The following TENM4 variants were observed in gnomAD, a reference collection of about 807,000 sequenced individuals.
TENM4 encodes teneurin-4.
Under a neutral mutation model 243.3 loss-of-function variants are expected in TENM4, and 82 were observed. The ratio of observed to expected loss-of-function variants is 0.34; its 90% CI spans 0.28 to 0.40. The LOEUF (loss-of-function observed/expected upper bound fraction) is 0.40. Ranked by LOEUF, TENM4 falls within the 10% of genes least tolerant of loss-of-function variation. The pLI is 1.00. For missense variants in TENM4, 3,138 were observed against 3,673.3 expected (o/e 0.85, Z 3.77); for synonymous variants, 1,412 against 1,456.3 (o/e 0.97, Z 0.69).
intron 1 of TENM4, among the ~76,000 whole-genome samples, chr11:79,404,322 G>A (rs1282017397): frequency 2.0e-5 from 3 of 152,198 alleles, no homozygotes; most frequent in African/African-American, 2.4e-5. Context: ...TAACCAAATG[G>A]CAAAGGGGAA....
chr11:79,270,872 G>T (rs1855956857), intron 2 of TENM4, among the ~76,000 whole-genome samples: 1 of 152,146 alleles, frequency 6.6e-6, no homozygotes, highest in Non-Finnish European at 1.5e-5. Flanking sequence ...TTAGCAGAGG[G>T]CTGGGCTCAC....
In TENM4 at chr11:79,005,739, A is replaced by G. The variant is rs574267633; in HGVS notation, c.493+58999T>C. On this transcript the variant is annotated intron_variant, in intron 6 of 33. Transcript: ENST00000278550. ...TATCCAACACAGTTCTTGAAGTCCT[A>G]GCCAAAGCAATCAAGAAAAAGAAAT... Among the ~76,000 whole-genome samples, 121 of 152,300 alleles carry G rather than the reference A, an allele frequency of 7.9e-4. 1 individual carries two copies. Among genetic ancestry groups the G allele is most frequent in the African/African-American group, 2.8e-3 (117 of 41,554 alleles).
At chr11:78,791,776 A>C (rs1399426441) in intron 15 of TENM4, among the ~76,000 whole-genome samples, 1 of 152,274 alleles carries the variant, frequency 6.6e-6, no homozygotes, top group Non-Finnish European at 1.5e-5. Context: ...TGGCAAGTAC[A>C]CTAGACTAAA....
At chr11:79,143,595 G>A (rs555392876) in intron 4 of TENM4, among the ~76,000 whole-genome samples, 90 of 151,916 alleles carry the variant, frequency 5.9e-4, no homozygotes, top group Non-Finnish European at 1.0e-3. Context: ...GCTAATGGGT[G>A]CAGCACAGCA....
At chr11:79,195,471 C>T (rs1863605773) in intron 3 of TENM4, among the ~76,000 whole-genome samples, 1 of 152,140 alleles carries the variant, frequency 6.6e-6, no homozygotes, top group Non-Finnish European at 1.5e-5. Context: ...GGTGGAGTTG[C>T]CCAAGACCAT....
At chr11:79,233,750 C>T (rs1385510428) in intron 2 of TENM4, among the ~76,000 whole-genome samples, 1 of 152,154 alleles carries the variant, frequency 6.6e-6, no homozygotes, top group Non-Finnish European at 1.5e-5. Context: ...CCAGGTGGCC[C>T]TTTGTGAACT....
chr11:79,300,324 T>A (rs971686548), intron 1 of TENM4, among the ~76,000 whole-genome samples: 16 of 152,224 alleles, frequency 1.1e-4, no homozygotes, highest in African/African-American at 3.9e-4. Flanking sequence ...CCATACAAGC[T>A]AATTTTAATC....
intron 6 of TENM4, among the ~76,000 whole-genome samples, chr11:78,940,421 C>A (rs1173801934): frequency 6.6e-6 from 1 of 152,146 alleles, no homozygotes; most frequent in East Asian, 1.9e-4. Flanking sequence ...AAACAGAGGA[C>A]CCCCATCCCC....
At chr11:79,204,791 C>T (rs570002051) in intron 3 of TENM4, among the ~76,000 whole-genome samples, 4 of 152,226 alleles carry the variant, frequency 2.6e-5, no homozygotes, top group Admixed American at 1.3e-4. Context: ...CAGCAAAAAC[C>T]TTCACGGCAA....
Position 79,333,235 on chromosome 11 carries a change from CATCCATCCATCT to C in TENM4, c.-320-35704_-320-35693del, listed in dbSNP as rs1857090318. ...AGATTTCATGGCCTGCCCATTCATCCATCCATCCATCTATCCATCCATCCATCCAACCAACAA... is the reference window on the plus strand; with the variant it reads ...AGATTTCATGGCCTGCCCATTCATCCATCCATCCATCCATCCAACCAACAA... On this transcript the variant is annotated intron_variant, in intron 1 of 33. Coordinates refer to ENST00000278550, the MANE Select transcript of TENM4 (RefSeq NM_001098816.3). 2.9e-5 allele frequency among the ~76,000 whole-genome samples: 4 copies of C among 135,728 alleles called. No individual in the cohort carries two copies. The South Asian group carries it at 1.2e-3, about 39-fold the overall frequency. The allele number at this position is 135,728 out of a possible 152,430, so 89.0% of individuals were successfully genotyped here.
At chr11:78,751,303 C>T (rs1040816988) in intron 19 of TENM4, among the ~76,000 whole-genome samples, 3 of 152,170 alleles carry the variant, frequency 2.0e-5, no homozygotes, top group Non-Finnish European at 4.4e-5. Flanking sequence ...TCTCTGGTCA[C>T]CCATCCTTCC....
At chr11:79,069,533 G>T (rs930076885) in intron 5 of TENM4, among the ~76,000 whole-genome samples, 189 bp downstream of exon 5, 1 of 152,178 alleles carries the variant, frequency 6.6e-6, no homozygotes, top group Non-Finnish European at 1.5e-5. Flanking sequence ...AACTAAGAAT[G>T]AACTACAGGG....
intron 2 of TENM4, among the ~76,000 whole-genome samples, chr11:79,247,897 A>C (rs921341971): frequency 6.6e-6 from 1 of 152,226 alleles, no homozygotes; most frequent in African/African-American, 2.4e-5. Flanking sequence ...CAGGAGAAGG[A>C]GAAACCGGGG....
Position 79,155,650 on chromosome 11 carries a change from C to T in TENM4, c.-162-6844G>A, listed in dbSNP as rs547757915. 4.1e-3 allele frequency among the ~76,000 whole-genome samples: 556 copies of T among 134,274 alleles called. 15 individuals carry two copies. Among genetic ancestry groups the T allele is most frequent in the East Asian group, 9.1e-3 (39 of 4,284 alleles). 88.1% of individuals were successfully genotyped at this position (134,274 alleles called of 152,430 possible). On this transcript the variant is annotated intron_variant, in intron 3 of 33. Coordinates refer to ENST00000278550, the MANE Select transcript of TENM4 (RefSeq NM_001098816.3). ...CCTCCCTTCCATCCTTCCTTCCCTC[C>T]CTCCCTTCCTTTTTACCTTCCTTCT...
At chr11:79,106,011 G>T (rs1861356594) in intron 4 of TENM4, among the ~76,000 whole-genome samples, 1 of 152,188 alleles carries the variant, frequency 6.6e-6, no homozygotes, top group African/African-American at 2.4e-5. Context: ...CAAACAAGAA[G>T]TTATATTATT....
rs190755137 is a variant in TENM4, at chr11:79,185,474, C to T, written c.-163+30334G>A. Among the ~76,000 whole-genome samples, 251 of 152,268 alleles carry T rather than the reference C, an allele frequency of 1.6e-3. 1 individual carries two copies. The highest frequency in any genetic ancestry group is 2.1e-3 in the Non-Finnish European group (145 of 68,028). ...GTCTCATATCTGAGGCAGCATCCAACAGGATAACTGGGCCCAGTTAAATCA... is the reference window on the plus strand; with the variant it reads ...GTCTCATATCTGAGGCAGCATCCAATAGGATAACTGGGCCCAGTTAAATCA... On this transcript the variant is annotated intron_variant, in intron 3 of 33. Coordinates refer to ENST00000278550, the MANE Select transcript of TENM4 (RefSeq NM_001098816.3).
At chr11:78,838,525 C>G (rs993823546) in intron 12 of TENM4, among the ~76,000 whole-genome samples, 2 of 152,188 alleles carry the variant, frequency 1.3e-5, no homozygotes, top group Non-Finnish European at 2.9e-5. Context: ...TCTAGCTTGA[C>G]TTTTAAATAT....
chr11:79,031,833 G>T (rs1452699046), intron 6 of TENM4, among the ~76,000 whole-genome samples: 1 of 152,162 alleles, frequency 6.6e-6, no homozygotes, highest in Non-Finnish European at 1.5e-5. Context: ...GCTATCCAGG[G>T]GGTCATAGAG....
chr11:78,785,244 G>A (rs760266103), intron 16 of TENM4, among the ~76,000 whole-genome samples: 1 of 152,080 alleles, frequency 6.6e-6, no homozygotes, highest in Admixed American at 6.5e-5. Flanking sequence ...GTGTAAGGGA[G>A]GATGACACCG....
Sources: allele counts gnomAD v4.1 joint callset (sites outside exome capture counted in the v4.1 genomes callset), GRCh38; gene constraint gnomAD v4.1.1; transcripts MANE v1.5; gene names NCBI Gene and HGNC (gene_info 2026-07-23, HGNC 2026-07-21).